Variants in PCDH15 observed in about 807,000 individuals in gnomAD.
PCDH15 encodes protocadherin-15.
A neutral mutation model predicts 178.5 loss-of-function variants in PCDH15; 129 were observed. The ratio of observed to expected loss-of-function variants is 0.72; its 90% CI spans 0.63 to 0.84. The LOEUF is 0.84. PCDH15 is among the 40% of genes least tolerant of loss of function. The probability of loss-of-function intolerance (pLI) is 0.00; values close to 1 mark genes in which losing one functional copy is unlikely to be tolerated. For synonymous variants in PCDH15, 800 were observed against 732.0 expected (o/e 1.09, Z -1.50); for missense variants, 2,230 against 2,099.9 (o/e 1.06, Z -1.21).
chr10:55,203,710 A>T (rs1479487605), intron 1 of PCDH15, among the ~76,000 whole-genome samples: 1 of 152,114 alleles, frequency 6.6e-6, no homozygotes, highest in Non-Finnish European at 1.5e-5. Context: ...AAGAAGACTA[A>T]GTAGATTGGA....
chr10:55,390,583 C>T (rs976367516), intron 2 of PCDH15, among the ~76,000 whole-genome samples: 27 of 152,084 alleles, frequency 1.8e-4, no homozygotes, highest in Non-Finnish European at 2.9e-5. Context: ...TGGCAAATAA[C>T]GTTTTCAATT....
At position 55,277,899 on chromosome 10, in the gene PCDH15, T is replaced by G. The variant is rs146120406; in HGVS notation, c.-156+41700A>C. Among the ~76,000 whole-genome samples, 587 of 152,256 alleles carry G rather than the reference T, an allele frequency of 3.9e-3. 7 individuals are homozygous for G. The highest frequency in any genetic ancestry group is 0.013 in the African/African-American group (543 of 41,546). ...AAAACAATATCTTGAAATATGTCTT[T>G]TCTGATCCCCACTGCCAATGTCTCA... is the stretch of plus-strand genomic sequence containing the variant. On this transcript the variant is annotated intron_variant, in intron 1 of 5. Coordinates refer to the PCDH15 transcript ENST00000458638.
chr10:55,385,817 A>G (rs571037256), intron 2 of PCDH15, among the ~76,000 whole-genome samples: 2 of 149,128 alleles, frequency 1.3e-5, no homozygotes, highest in South Asian at 4.2e-4. Context: ...ATATATATGC[A>G]TATATATACG....
chr10:54,540,368 C>G (rs1320602792), intron 2 of PCDH15, among the ~76,000 whole-genome samples: 3 of 152,216 alleles, frequency 2.0e-5, no homozygotes, highest in Non-Finnish European at 4.4e-5. Flanking sequence ...TCCTCAGAGA[C>G]TATTATCAAC....
chr10:55,608,094 A>G (rs184966000), intron 2 of PCDH15, among the ~76,000 whole-genome samples: 48 of 152,240 alleles, frequency 3.2e-4, no homozygotes, highest in African/African-American at 1.0e-3. Context: ...GGGAGCGTCT[A>G]TGAGTGTAGA....
chr10:54,123,479 C>T (rs1410799502), intron 15 of PCDH15, among the ~76,000 whole-genome samples: 1 of 152,098 alleles, frequency 6.6e-6, no homozygotes, highest in Non-Finnish European at 1.5e-5. Context: ...GAGATACCTA[C>T]TCACACCAGT....
intron 8 of PCDH15, among the ~76,000 whole-genome samples, chr10:54,271,407 A>C (rs1272236259): frequency 1.3e-5 from 2 of 152,028 alleles, no homozygotes; most frequent in Non-Finnish European, 2.9e-5. Flanking sequence ...ACAGGGTGTC[A>C]CCAAATTGGC....
At chr10:54,392,914 A>G (rs892317049) in intron 3 of PCDH15, among the ~76,000 whole-genome samples, 1 of 151,940 alleles carries the variant, frequency 6.6e-6, no homozygotes, top group African/African-American at 2.4e-5. Context: ...AAAAAAAAAA[A>G]AAAATTGCAT....
At chr10:54,656,932 G>A (rs2094416468) in intron 2 of PCDH15, among the ~76,000 whole-genome samples, 1 of 152,148 alleles carries the variant, frequency 6.6e-6, no homozygotes, top group African/African-American at 2.4e-5. Context: ...TGTGAAATTG[G>A]TGTAAACTTT....
intron 19 of PCDH15, among the ~76,000 whole-genome samples, chr10:54,021,950 G>A (rs946370627): frequency 1.3e-5 from 2 of 151,956 alleles, no homozygotes; most frequent in Non-Finnish European, 2.9e-5. Context: ...TTAATTGACA[G>A]ATGAATGGTG....
intron 1 of PCDH15, among the ~76,000 whole-genome samples, chr10:54,779,536 A>G (rs1950163424): frequency 7.3e-6 from 1 of 137,668 alleles, no homozygotes; most frequent in African/African-American, 2.9e-5. Context: ...ACACACACAT[A>G]TATATAGCAT....
At chr10:53,927,898 ATGAT>A (rs2084706499) in intron 25 of PCDH15, among the ~76,000 whole-genome samples, 1 of 152,072 alleles carries the variant, frequency 6.6e-6, no homozygotes, top group African/African-American at 2.4e-5. Flanking sequence ...GGGACAATGA[ATGAT>A]TAAGCAAAGT....
chr10:54,539,910 T>C (rs113107379), intron 2 of PCDH15, among the ~76,000 whole-genome samples: 61 of 152,248 alleles, frequency 4.0e-4, no homozygotes, highest in African/African-American at 1.4e-3. Context: ...TGAATGAGTT[T>C]TGGATTGTAA....
chr10:55,397,681 G>A (rs1206013005), intron 2 of PCDH15, among the ~76,000 whole-genome samples: 1 of 152,046 alleles, frequency 6.6e-6, no homozygotes, highest in Non-Finnish European at 1.5e-5. Flanking sequence ...CGTCTCCCGG[G>A]TTCAAGCAAT....
At chr10:55,168,461 G>A (rs1295400708) in intron 1 of PCDH15, among the ~76,000 whole-genome samples, 2 of 152,194 alleles carry the variant, frequency 1.3e-5, no homozygotes, top group Middle Eastern at 3.2e-3. Context: ...GTGACCTCCT[G>A]ACTGGACATT....
At chr10:55,416,346 G>T (rs1277310997) in intron 2 of PCDH15, among the ~76,000 whole-genome samples, 1 of 151,646 alleles carries the variant, frequency 6.6e-6, no homozygotes, top group Non-Finnish European at 1.5e-5. Flanking sequence ...GATAACCATT[G>T]TAAGTAAGCC....
At chr10:54,819,448 G>C (rs1953002313) in intron 3 of PCDH15, among the ~76,000 whole-genome samples, 1 of 151,758 alleles carries the variant, frequency 6.6e-6, no homozygotes, top group Non-Finnish European at 1.5e-5. Flanking sequence ...TTAAAAAACA[G>C]AGCTTATTTT....
rs368379131 is a variant in PCDH15 at position 53,941,115 on chromosome 10, T to A, written c.3123-140A>T. On this transcript the variant is annotated intron_variant, in intron 23 of 37. Transcript: ENST00000644397. ...CACACATTCATGGCCTCCTCCATGATCAAATCCCCCACCCAACTGCTACCT... is the reference window on the plus strand; with the variant it reads ...CACACATTCATGGCCTCCTCCATGAACAAATCCCCCACCCAACTGCTACCT... 43 of 646,822 alleles carry A rather than the reference T, an allele frequency of 6.6e-5. No homozygotes were observed. The East Asian group carries it at 1.1e-3, about 16-fold the overall frequency. 40.1% of individuals were successfully genotyped at this position (646,822 alleles called of 1,614,324 possible).
At chr10:54,600,566 C>T (rs77001731) in intron 2 of PCDH15, 2 of 585,656 alleles carry the variant, frequency 3.4e-6, no homozygotes, top group South Asian at 1.4e-5. Flanking sequence ...AAACTGTAAC[C>T]ATCACTCAAA....
Sources: gnomAD v4.1 joint callset for allele counts (sites outside exome capture counted in the v4.1 genomes callset) on GRCh38, gnomAD v4.1.1 for gene constraint, MANE v1.5 for transcripts, NCBI Gene and HGNC (gene_info 2026-07-23, HGNC 2026-07-21) for gene names.